The following PLXNA4 variants were observed in gnomAD, a reference collection of about 807,000 sequenced individuals.
PLXNA4 encodes plexin A4.
In PLXNA4, 44 loss-of-function variants were observed where a neutral mutation model predicts 191.8. The observed-to-expected ratio is 0.23, with a 90% CI of 0.18 to 0.29. The LOEUF (loss-of-function observed/expected upper bound fraction) is 0.29, where lower values mean the gene tolerates loss of function less well. PLXNA4 is among the 10% of genes least tolerant of loss of function. The pLI is 1.00. For missense variants in PLXNA4, 1,800 were observed against 2,488.8 expected (o/e 0.72, Z 5.89); for synonymous variants, 1,082 against 1,009.5 (o/e 1.07, Z -1.36).
rs555706955 is a variant in PLXNA4, at chr7:132,594,976, A to G, written c.-87+50952T>C. On this transcript the variant is annotated intron_variant, in intron 2 of 4. Coordinates refer to the PLXNA4 transcript ENST00000378539. Reference sequence around the variant, plus strand: ...ATAGATAGATAGATAATTGATAGATAATAGATAGATAGATAGATAGATAGA... The same window carrying G: ...ATAGATAGATAGATAATTGATAGATGATAGATAGATAGATAGATAGATAGA... Among the ~76,000 whole-genome samples the G allele has an allele frequency of 1.4e-3, 156 of 109,632 alleles. 1 individual carries two copies. The Middle Eastern group carries it at 0.02, about 14-fold the overall frequency. 71.9% of individuals were successfully genotyped at this position (109,632 alleles called of 152,430 possible).
Position 132,508,007 on chromosome 7 carries a change from G to T in PLXNA4, c.687C>A (p.Ile229=). The change falls in exon 2 of 32, where the codon ATC becomes ATA. Residue 229 remains isoleucine (I), a synonymous_variant. Transcript: ENST00000321063. The surrounding 1 kb of genome is among the most constrained non-coding windows in gnomAD (Gnocchi z 4.4). ...HDEFVASMIK[I]PSDTFTIIPD... is the part of the protein sequence containing the mutation. ...GGATGATGGTGAAGGTGTCCGAAGG[G>T]ATCTTAATCATCGAGGCCACGAACT... 6.2e-7 allele frequency: 1 copy of T among 1,614,228 alleles called. No homozygotes were observed. Among genetic ancestry groups the T allele is most frequent in the South Asian group, 1.1e-5 (1 of 91,088 alleles).
chr7:132,139,181 C>A (rs1386599342), intron 30 of PLXNA4, among the ~76,000 whole-genome samples: 6 of 152,122 alleles, frequency 3.9e-5, no homozygotes, highest in South Asian at 2.1e-4. Context: ...ATGTCCACCA[C>A]CTGCATCAGT....
chr7:132,555,576 C>A (rs144453851), intron 1 of PLXNA4, among the ~76,000 whole-genome samples: 1 of 152,200 alleles, frequency 6.6e-6, no homozygotes, highest in Admixed American at 6.5e-5. Flanking sequence ...CTATTTCCCA[C>A]GTATTATGTC....
intron 1 of PLXNA4, among the ~76,000 whole-genome samples, chr7:132,537,477 G>A (rs566723118): frequency 5.9e-5 from 9 of 152,168 alleles, no homozygotes; most frequent in Non-Finnish European, 1.3e-4. Context: ...GCCCTGAAGG[G>A]GCCATTTTCA....
chr7:132,132,964 T>A (rs917607021), intron 31 of PLXNA4, 85 bp downstream of exon 31: 22 of 1,526,676 alleles, frequency 1.4e-5, no homozygotes, highest in Non-Finnish European at 1.9e-5. Flanking sequence ...TCTGTGGCGA[T>A]GATCTCTTAT....
chr7:132,612,760 G>T (rs1227418920), intron 2 of PLXNA4, among the ~76,000 whole-genome samples: 1 of 151,898 alleles, frequency 6.6e-6, no homozygotes, highest in Non-Finnish European at 1.5e-5. Flanking sequence ...GGTGCAGGGA[G>T]GGCCTGTCCT....
chr7:132,426,781 A>G (rs931469301), intron 3 of PLXNA4, among the ~76,000 whole-genome samples: 4 of 152,248 alleles, frequency 2.6e-5, no homozygotes, highest in African/African-American at 7.2e-5. Flanking sequence ...AATCTTAGAT[A>G]TAATGATTTG....
chr7:132,136,452 A>G (rs1428837515), intron 30 of PLXNA4, among the ~76,000 whole-genome samples: 2 of 152,098 alleles, frequency 1.3e-5, no homozygotes, highest in Admixed American at 1.3e-4. Flanking sequence ...ACCTGCTAAG[A>G]AGGAGCTGGT....
chr7:132,577,381 T>G (rs1247588604), upstream of PLXNA4: 1 of 82,906 alleles, frequency 1.2e-5, no homozygotes, highest in African/African-American at 4.7e-5. Flanking sequence ...CTCTCCTCCC[T>G]CCCGCCCTCC....
chr7:132,406,986 C>T (rs569456169), intron 3 of PLXNA4, among the ~76,000 whole-genome samples: 40 of 152,142 alleles, frequency 2.6e-4, no homozygotes, highest in African/African-American at 6.3e-4. Context: ...CAAGCCCAAA[C>T]GGGATTTCCA....
At chr7:132,308,295 G>A (rs1156641071) in intron 3 of PLXNA4, among the ~76,000 whole-genome samples, 1 of 152,128 alleles carries the variant, frequency 6.6e-6, no homozygotes, top group Non-Finnish European at 1.5e-5. Context: ...ACCTTGGTAG[G>A]TCAGCCACCC....
chr7:132,623,371 GAAAAAGAAAAGA>G (rs1461776820), intron 2 of PLXNA4, among the ~76,000 whole-genome samples: 1 of 151,198 alleles, frequency 6.6e-6, no homozygotes, highest in Admixed American at 6.6e-5. Flanking sequence ...AATAAAGAAA[GAAAAAGAAAAGA>G]AAAAAGAAAA....
intron 3 of PLXNA4, among the ~76,000 whole-genome samples, chr7:132,459,726 C>T (rs1157092442): frequency 3.3e-5 from 5 of 152,094 alleles, no homozygotes; most frequent in South Asian, 2.1e-4. Context: ...CTGGGGGCAG[C>T]GAGCCTGATC....
intron 2 of PLXNA4, among the ~76,000 whole-genome samples, chr7:132,599,527 G>T (rs374839532): frequency 6.6e-6 from 1 of 152,074 alleles, no homozygotes; most frequent in East Asian, 1.9e-4. Flanking sequence ...TTTTGTTATT[G>T]TTGTAGAAAA....
Position 132,512,472 on chromosome 7 carries a change from C to T in PLXNA4, c.-86-3693G>A, listed in dbSNP as rs375296402. Among the ~76,000 whole-genome samples the T allele has an allele frequency of 2.0e-5, 3 of 152,174 alleles. No individual in the cohort carries two copies. In the East Asian group the frequency reaches 5.8e-4, roughly 29 times the overall value. On this transcript the variant is annotated intron_variant, in intron 1 of 31. Transcript: ENST00000321063. ...CCCTCATCTGGGGATGGTGAGATTA[C>T]TACACCCAGAGAGGAGGGGGGCCCA... is the stretch of plus-strand genomic sequence containing the variant.
chr7:132,533,474 C>A (rs910320837), intron 1 of PLXNA4, among the ~76,000 whole-genome samples: 14 of 152,328 alleles, frequency 9.2e-5, no homozygotes, highest in African/African-American at 3.4e-4. Context: ...GCCCAATTTT[C>A]CAACCCAAGC....
At chr7:132,287,570 C>T (rs138001566) in intron 4 of PLXNA4, among the ~76,000 whole-genome samples, 2 of 152,176 alleles carry the variant, frequency 1.3e-5, no homozygotes, top group Non-Finnish European at 2.9e-5. Flanking sequence ...CATGACCCCC[C>T]CCGGAGCCTC....
intron 5 of PLXNA4, among the ~76,000 whole-genome samples, chr7:132,235,747 T>C (rs1480393270): frequency 6.6e-6 from 1 of 152,072 alleles, no homozygotes; most frequent in Non-Finnish European, 1.5e-5. Context: ...CTTCTTTGCC[T>C]GGGCACGAAG....
At chr7:132,316,828 C>T (rs1563030975) in intron 3 of PLXNA4, among the ~76,000 whole-genome samples, 2 of 152,204 alleles carry the variant, frequency 1.3e-5, no homozygotes, top group Admixed American at 6.5e-5. Context: ...TTTAGTCCCC[C>T]ACCCTCCAGT....
Sources: gnomAD v4.1 joint callset for allele counts (sites outside exome capture counted in the v4.1 genomes callset) on GRCh38, gnomAD v4.1.1 for gene constraint, Gnocchi (gnomAD v3.1) non-coding constraint, MANE v1.5 for transcripts, NCBI Gene and HGNC (gene_info 2026-07-23, HGNC 2026-07-21) for gene names.